CDH6: variants seen among roughly 807,000 people sequenced by gnomAD.
CDH6 encodes cadherin 6, also known as cadherin-6.
A neutral mutation model predicts 78.0 loss-of-function variants in CDH6; 31 were observed. The observed-to-expected ratio is 0.40, with a 90% CI of 0.30 to 0.54. The LOEUF (loss-of-function observed/expected upper bound fraction) is 0.54. CDH6 is among the 20% of genes least tolerant of loss of function. CDH6 has a pLI of 0.56. For synonymous variants in CDH6, 376 were observed against 368.8 expected, an observed-to-expected ratio of 1.02 and a Z score of -0.23; for missense variants, 724 against 975.9, an observed-to-expected ratio of 0.74 and a Z score of 3.44.
At chr5:31,225,634 G>C (rs530343427) in intron 1 of CDH6, among the ~76,000 whole-genome samples, 118 of 152,206 alleles carry the variant, frequency 7.8e-4, no homozygotes, top group Middle Eastern at 3.4e-3. Context: ...TAAACAGCCA[G>C]ATTGTGTGAG....
intron 1 of CDH6, among the ~76,000 whole-genome samples, chr5:31,227,102 G>A (rs1203276673): frequency 6.6e-6 from 1 of 152,130 alleles, no homozygotes; most frequent in Non-Finnish European, 1.5e-5. Context: ...AAACTCCAAA[G>A]CACACAAATC....
At chr5:31,281,301 AAG>A (rs894665233) in intron 2 of CDH6, among the ~76,000 whole-genome samples, 2 of 146,558 alleles carry the variant, frequency 1.4e-5, no homozygotes, top group African/African-American at 5.0e-5. Flanking sequence ...GTCAAAGAGA[AAG>A]AGAGAGAGAG....
chr5:31,217,064 C>T (rs963568555), intron 1 of CDH6, among the ~76,000 whole-genome samples: 17 of 152,010 alleles, frequency 1.1e-4, no homozygotes, highest in Admixed American at 7.2e-4. Flanking sequence ...CAGCCCAGGG[C>T]GTGTATAGGT....
intron 1 of CDH6, among the ~76,000 whole-genome samples, chr5:31,252,408 A>G (rs1381094500): frequency 6.6e-6 from 1 of 151,962 alleles, no homozygotes. Context: ...TGAGTTGTGG[A>G]AAAAATAAAC....
chr5:31,285,766 T>C (rs1742994482), intron 2 of CDH6, among the ~76,000 whole-genome samples: 1 of 152,236 alleles, frequency 6.6e-6, no homozygotes, highest in Non-Finnish European at 1.5e-5. Flanking sequence ...GTATTTATGA[T>C]GGTCAATGAA....
At chr5:31,212,917 C>G (rs1740755880) in intron 1 of CDH6, among the ~76,000 whole-genome samples, 1 of 152,144 alleles carries the variant, frequency 6.6e-6, no homozygotes, top group Non-Finnish European at 1.5e-5. Context: ...CTTTGCTATT[C>G]CCCACTCCTA....
rs1561076502 is a variant in CDH6, at chr5:31,323,900, T to A, written c.*592T>A. ...CATATGTTAAAATTCTCATTACTCTTAAGGAATAGAAGCAAATTAAACGGT... is the reference window on the plus strand; with the variant it reads ...CATATGTTAAAATTCTCATTACTCTAAAGGAATAGAAGCAAATTAAACGGT... On this transcript the variant is annotated 3_prime_UTR_variant, in exon 12 of 12. Transcript: ENST00000265071. 1 of 229,438 alleles carries A rather than the reference T, an allele frequency of 4.4e-6. No individual in the cohort carries two copies. The highest frequency in any genetic ancestry group is 2.2e-5 in the African/African-American group (1 of 45,136). 14.2% of individuals were successfully genotyped at this position (229,438 alleles called of 1,614,324 possible). A position where few individuals can be genotyped will look rare whatever the true frequency, so the allele number is the denominator to read the frequency against.
chr5:31,296,668 G>A lies in CDH6; in HGVS notation c.524-621G>A, dbSNP rs1737612427. Reference sequence around the variant, plus strand: ...GTAACAAGAAATCCAACTCGAACTAGTTTAAACAACAACAAATAAGTATTT... The same window carrying A: ...GTAACAAGAAATCCAACTCGAACTAATTTAAACAACAACAAATAAGTATTT... On this transcript the variant is annotated intron_variant, in intron 3 of 11. Coordinates refer to ENST00000265071, the MANE Select transcript of CDH6 (RefSeq NM_004932.4). 2.6e-5 allele frequency among the ~76,000 whole-genome samples: 4 copies of A among 152,206 alleles called. No individual in the cohort carries two copies. The South Asian group carries it at 8.3e-4, about 32-fold the overall frequency.
intron 7 of CDH6, among the ~76,000 whole-genome samples, chr5:31,311,204 A>C (rs1352632954): frequency 1.3e-5 from 2 of 152,220 alleles, no homozygotes; most frequent in African/African-American, 4.8e-5. Context: ...TCTTCTGCCA[A>C]ATATCCTAAA....
chr5:31,320,933 C>T (rs1178456691), intron 11 of CDH6, among the ~76,000 whole-genome samples: 8 of 149,538 alleles, frequency 5.3e-5, no homozygotes, highest in Admixed American at 1.3e-4. Flanking sequence ...GATCTGAGAT[C>T]GTGCCACTGC....
chr5:31,308,309 A>C (rs1216205486), intron 7 of CDH6, among the ~76,000 whole-genome samples: 1 of 152,092 alleles, frequency 6.6e-6, no homozygotes, highest in Non-Finnish European at 1.5e-5. Context: ...ATATGTCACT[A>C]TACATACAAA....
intron 1 of CDH6, among the ~76,000 whole-genome samples, chr5:31,228,093 C>T (rs755997272): frequency 2.6e-5 from 4 of 152,110 alleles, no homozygotes; most frequent in Non-Finnish European, 4.4e-5. Context: ...TGGCCCCTTC[C>T]GCCATTTTCA....
rs2149963103 is a variant in CDH6 at position 31,324,640 on chromosome 5, T to C, written c.*1332T>C. The C allele has an allele frequency of 4.8e-6, 1 of 210,424 alleles. No homozygotes were observed. Among genetic ancestry groups the C allele is most frequent in the Non-Finnish European group, 9.6e-6 (1 of 103,704 alleles). The allele number at this position is 210,424 out of a possible 1,614,324, so 13.0% of individuals were successfully genotyped here. A position where few individuals can be genotyped will look rare whatever the true frequency, so the allele number is the denominator to read the frequency against. On this transcript the variant is annotated 3_prime_UTR_variant, in exon 12 of 12. Transcript: ENST00000265071. ...TGCTTTCATGACCATCCTGCCATCCTTGACTTTGAACTAATGATAAAGTAA... is the reference window on the plus strand; with the variant it reads ...TGCTTTCATGACCATCCTGCCATCCCTGACTTTGAACTAATGATAAAGTAA...
chr5:31,226,519 G>C (rs1424921317), intron 1 of CDH6, among the ~76,000 whole-genome samples: 1 of 152,138 alleles, frequency 6.6e-6, no homozygotes, highest in Admixed American at 6.5e-5. Context: ...ATCTCTTCAA[G>C]TAATCAGCCG....
chr5:31,287,141 A>G (rs1469555387), intron 2 of CDH6, among the ~76,000 whole-genome samples: 1 of 152,172 alleles, frequency 6.6e-6, no homozygotes, highest in African/African-American at 2.4e-5. Flanking sequence ...CTGATGGTAC[A>G]GAGATAGCAA....
intron 1 of CDH6, among the ~76,000 whole-genome samples, chr5:31,195,622 C>T (rs1740143512): frequency 6.6e-6 from 1 of 152,132 alleles, no homozygotes; most frequent in Non-Finnish European, 1.5e-5. Flanking sequence ...TATGCTTGAG[C>T]AGATGTCTTC....
chr5:31,293,538 G>A (rs137943618), intron 2 of CDH6, among the ~76,000 whole-genome samples: 1 of 152,266 alleles, frequency 6.6e-6, no homozygotes, highest in African/African-American at 2.4e-5. Flanking sequence ...TTTCTAAATA[G>A]GATATTGCTT....
At position 31,225,840 on chromosome 5, in the gene CDH6, G is replaced by A. The variant is rs114500925; in HGVS notation, c.-129+31954G>A. On this transcript the variant is annotated intron_variant, in intron 1 of 11. Transcript: ENST00000265071. Reference sequence around the variant, plus strand: ...CATAATGGTACTGCATGGTGGGTGCGGTTTTCCCCACAGAGTATTGTGGAT... The same window carrying A: ...CATAATGGTACTGCATGGTGGGTGCAGTTTTCCCCACAGAGTATTGTGGAT... 4.4e-3 allele frequency among the ~76,000 whole-genome samples: 668 copies of A among 152,224 alleles called. 5 individuals are homozygous for A. Among genetic ancestry groups the A allele is most frequent in the African/African-American group, 0.012 (496 of 41,516 alleles).
intron 3 of CDH6, among the ~76,000 whole-genome samples, chr5:31,295,883 T>G (rs186533424): frequency 6.6e-6 from 1 of 152,208 alleles, no homozygotes; most frequent in African/African-American, 2.4e-5. Context: ...TGGCAACGAA[T>G]AGACATTTAA....
Sources: allele counts gnomAD v4.1 joint callset (sites outside exome capture counted in the v4.1 genomes callset), GRCh38; gene constraint gnomAD v4.1.1; transcripts MANE v1.5; gene names NCBI Gene and HGNC (gene_info 2026-07-23, HGNC 2026-07-21).